PDE4D: variants seen among roughly 807,000 people sequenced by gnomAD.
The protein encoded by PDE4D is 3',5'-cyclic-AMP phosphodiesterase 4D.
Under a neutral mutation model 87.4 loss-of-function variants are expected in PDE4D, and 24 were observed. The observed-to-expected ratio is 0.27, with a 90% CI of 0.20 to 0.39. The LOEUF is 0.39. Ranked by LOEUF, PDE4D falls within the 10% of genes least tolerant of loss-of-function variation. The pLI is 1.00. For missense variants in PDE4D, 714 were observed against 1,041.0 expected (o/e 0.69, Z 4.32); for synonymous variants, 384 against 383.2 (o/e 1.00, Z -0.02).
intron 1 of PDE4D, among the ~76,000 whole-genome samples, chr5:59,302,645 T>G (rs960831689): frequency 6.6e-6 from 1 of 152,194 alleles, no homozygotes; most frequent in Non-Finnish European, 1.5e-5. Flanking sequence ...TTTCTATTCC[T>G]GAGTTACTTC....
At chr5:59,550,886 C>T (rs763084459) in intron 1 of PDE4D, among the ~76,000 whole-genome samples, 7 of 151,862 alleles carry the variant, frequency 4.6e-5, no homozygotes, top group Admixed American at 2.0e-4. Context: ...TTAGTAGAGA[C>T]GGGGTTTCAC....
intron 2 of PDE4D, among the ~76,000 whole-genome samples, chr5:59,201,912 A>C (rs1747505219): frequency 6.6e-6 from 1 of 152,120 alleles, no homozygotes; most frequent in Non-Finnish European, 1.5e-5. Flanking sequence ...TTAATATATG[A>C]GTAACATTAA....
chr5:59,778,082 A>C (rs930079677), intron 1 of PDE4D, among the ~76,000 whole-genome samples: 4 of 152,228 alleles, frequency 2.6e-5, no homozygotes, highest in Admixed American at 2.6e-4. Flanking sequence ...AATAAGACAC[A>C]CCATGTGCTA....
intron 2 of PDE4D, chr5:60,021,864 A>G (rs1766099427): frequency 6.6e-6 from 1 of 152,098 alleles, no homozygotes; most frequent in Admixed American, 6.5e-5. Flanking sequence ...TTGCATTTTT[A>G]TTTTATTTTT....
chr5:59,923,247 T>TTGCC lies in PDE4D; in HGVS notation c.272+65240_272+65241insGGCA, dbSNP rs1754872373. On this transcript the variant is annotated intron_variant, in intron 3 of 16. Transcript: ENST00000502484. Reference sequence around the variant, plus strand: ...CTCACTTCAGGTCCTGGCTCCCATATGGCATCTCTGGATTCTCCTAGGGCA... The same window carrying TTGCC: ...CTCACTTCAGGTCCTGGCTCCCATATTGCCGGCATCTCTGGATTCTCCTAGGGCA... Among the ~76,000 whole-genome samples, 3 of 152,328 alleles carry TTGCC rather than the reference T, an allele frequency of 2.0e-5. No individual in the cohort carries two copies. In the South Asian group the frequency reaches 6.2e-4, roughly 32 times the overall value.
chr5:59,226,984 T>C (rs1209554365), intron 1 of PDE4D, among the ~76,000 whole-genome samples: 1 of 152,166 alleles, frequency 6.6e-6, no homozygotes, highest in Non-Finnish European at 1.5e-5. Flanking sequence ...TGCTGACCAC[T>C]AACTAAGAGT....
rs185429990 is a variant in PDE4D, at chr5:59,721,253, G to A, written c.455+171915C>T. Among the ~76,000 whole-genome samples the A allele has an allele frequency of 8.3e-4, 127 of 152,132 alleles. 1 individual carries two copies. Among genetic ancestry groups the A allele is most frequent in the African/African-American group, 3.0e-3 (124 of 41,492 alleles). On this transcript the variant is annotated intron_variant, in intron 1 of 14. Coordinates refer to ENST00000340635, the MANE Select transcript of PDE4D (RefSeq NM_001104631.2). The stretch of plus-strand genomic sequence containing the variant: ...TGAATTATACTTTTACTTATTTCCT[G>A]TGTATTATTATTTCTCTTCTATTGT...
chr5:59,881,002 T>G (rs80230886), intron 1 of PDE4D, among the ~76,000 whole-genome samples: 1 of 152,122 alleles, frequency 6.6e-6, no homozygotes, highest in East Asian at 1.9e-4. Context: ...AAATAATACA[T>G]AAAGTTAAAA....
At chr5:59,427,327 ACACACACACACG>A (rs1035486146) in intron 1 of PDE4D, among the ~76,000 whole-genome samples, 3 of 150,424 alleles carry the variant, frequency 2.0e-5, no homozygotes, top group African/African-American at 7.4e-5. Flanking sequence ...ACACACACAC[ACACACACACACG>A]CCCCTATGCC....
At chr5:60,234,466 C>T (rs1583166298) in intron 1 of PDE4D, among the ~76,000 whole-genome samples, 1 of 151,654 alleles carries the variant, frequency 6.6e-6, no homozygotes, top group Admixed American at 6.6e-5. Context: ...CTAGGGAGTA[C>T]AAAAACTGCT....
intron 1 of PDE4D, among the ~76,000 whole-genome samples, chr5:59,412,452 G>C (rs559890788): frequency 6.6e-6 from 1 of 152,266 alleles, no homozygotes; most frequent in East Asian, 1.9e-4. Flanking sequence ...GGCAAGTTGG[G>C]AGCACTGGAG....
At chr5:60,189,109 G>C (rs1372909818) in intron 1 of PDE4D, among the ~76,000 whole-genome samples, 1 of 152,210 alleles carries the variant, frequency 6.6e-6, no homozygotes, top group Non-Finnish European at 1.5e-5. Flanking sequence ...ACTCACACGT[G>C]CAATTTCGTT....
intron 1 of PDE4D, among the ~76,000 whole-genome samples, chr5:59,863,969 G>A (rs1746655368): frequency 6.6e-6 from 1 of 152,112 alleles, no homozygotes; most frequent in African/African-American, 2.4e-5. Flanking sequence ...CTGAGTCACT[G>A]AGCAGTGCCC....
At chr5:60,192,028 A>G (rs1314446951) in intron 1 of PDE4D, among the ~76,000 whole-genome samples, 2 of 152,146 alleles carry the variant, frequency 1.3e-5, no homozygotes, top group Non-Finnish European at 2.9e-5. Context: ...TAAGTTTGAA[A>G]GCAATTCATT....
At chr5:60,063,825 T>C (rs1475062403) in intron 2 of PDE4D, among the ~76,000 whole-genome samples, 2 of 152,078 alleles carry the variant, frequency 1.3e-5, no homozygotes, top group Non-Finnish European at 2.9e-5. Flanking sequence ...ATCTAGATAG[T>C]AATAAAAAGA....
chr5:59,269,041 T>C (rs1168842717), intron 1 of PDE4D, among the ~76,000 whole-genome samples: 1 of 151,848 alleles, frequency 6.6e-6, no homozygotes, highest in Non-Finnish European at 1.5e-5. Context: ...CCTTTACCTC[T>C]CCTAAAAGGC....
At chr5:59,709,585 G>A (rs151116379) in intron 1 of PDE4D, among the ~76,000 whole-genome samples, 52 of 152,166 alleles carry the variant, frequency 3.4e-4, no homozygotes, top group Non-Finnish European at 5.9e-4. Context: ...GACAGCTCTT[G>A]TTGAAAAACC....
At chr5:59,728,891 T>C (rs1756981326) in intron 1 of PDE4D, among the ~76,000 whole-genome samples, 1 of 152,070 alleles carries the variant, frequency 6.6e-6, no homozygotes, top group African/African-American at 2.4e-5. Context: ...CATATAAATG[T>C]GAAAAAAATA....
intron 2 of PDE4D, among the ~76,000 whole-genome samples, chr5:60,095,087 A>C (rs1775541563): frequency 6.6e-6 from 1 of 152,170 alleles, no homozygotes; most frequent in East Asian, 1.9e-4. Context: ...TCTGGGATAC[A>C]TGTGCAGAAC....
Sources: allele counts gnomAD v4.1 joint callset (sites outside exome capture counted in the v4.1 genomes callset), GRCh38; gene constraint gnomAD v4.1.1; transcripts MANE v1.5; gene names NCBI Gene and HGNC (gene_info 2026-07-23, HGNC 2026-07-21).